The following NLRP14 variants were observed in gnomAD, a reference collection of about 807,000 sequenced individuals.
NLRP14 encodes NACHT, LRR and PYD domains-containing protein 14.
Under a neutral mutation model 94.7 loss-of-function variants are expected in NLRP14, and 105 were observed. The ratio of observed to expected loss-of-function variants is 1.11; its 90% CI spans 0.95 to 1.30. The LOEUF (loss-of-function observed/expected upper bound fraction) is 1.30. NLRP14 is among the 50% of genes most tolerant of loss of function. The probability of loss-of-function intolerance (pLI) is 0.00; values close to 1 mark genes in which losing one functional copy is unlikely to be tolerated. For synonymous variants in NLRP14, 508 were observed against 459.9 expected, an observed-to-expected ratio of 1.10 and a Z score of -1.34; for missense variants, 1,362 against 1,254.1, an observed-to-expected ratio of 1.09 and a Z score of -1.30.
At chr11:7,037,692 T>G (rs934970315) in intron 1 of NLRP14, among the ~76,000 whole-genome samples, 6 of 152,222 alleles carry the variant, frequency 3.9e-5, no homozygotes, top group Non-Finnish European at 7.3e-5. Context: ...TTGATGATGT[T>G]TGAAGAACTG....
At chr11:7,039,607 A>G (rs1318817947) in intron 2 of NLRP14, 107 bp from the exon 3 acceptor site, 1 of 889,148 alleles carries the variant, frequency 1.1e-6, no homozygotes, top group African/African-American at 1.6e-5. Flanking sequence ...AAACCCAGAT[A>G]GTCATAGAAT....
chr11:7,089,879 C>T, the NLRP14 span: 9 of 1,612,796 alleles, frequency 5.6e-6, no homozygotes, highest in Middle Eastern at 3.3e-4. Flanking sequence ...ACGACTGTCC[C>T]TTGAGAGGCT....
intron 10 of NLRP14, among the ~76,000 whole-genome samples, chr11:7,066,552 G>C (rs1243921516): frequency 1.3e-5 from 2 of 151,990 alleles, no homozygotes; most frequent in Non-Finnish European, 2.9e-5. Flanking sequence ...TTTTTGATGG[G>C]GTTGTTTTTT....
At chr11:7,062,226 A>G (rs1435404441) in intron 9 of NLRP14, 107 bp from the exon 10 acceptor site, 4 of 922,304 alleles carry the variant, frequency 4.3e-6, no homozygotes, top group Non-Finnish European at 7.1e-6. Flanking sequence ...GATTGTAGAT[A>G]GAAAAGAGTG....
chr11:7,038,497 T>C, intron 1 of NLRP14, 69 bp from the exon 2 acceptor site: 2 of 1,304,622 alleles, frequency 1.5e-6, no homozygotes, highest in Non-Finnish European at 2.2e-6. Context: ...GTATTTCATT[T>C]TCAAATCTGT....
chr11:7,066,254 T>C (rs1379213403), intron 10 of NLRP14, among the ~76,000 whole-genome samples: 1 of 152,252 alleles, frequency 6.6e-6, no homozygotes, highest in Non-Finnish European at 1.5e-5. Context: ...AAATGTTATT[T>C]CTGATTCTAG....
In NLRP14 at chr11:7,057,727, C is replaced by T. The variant is rs1378438123; in HGVS notation, c.2342C>T (p.Ala781Val). 1 of 1,611,906 alleles carries T rather than the reference C, an allele frequency of 6.2e-7. No homozygotes were observed. Residue 781 changes from alanine to valine, a missense_variant, in exon 7 of 12, where the codon GCT (alanine) becomes GTT (valine). Physicochemically the swap from Ala to Val is moderately conservative, Grantham distance 64 (BLOSUM62 0). Coordinates refer to ENST00000299481, the MANE Select transcript of NLRP14 (RefSeq NM_176822.4). ...TTTTGTTGTCTAAATATATCTAATG[C>T]TCTCATCAGAAGCCAGAGCCTGATA... ...TVFCCLNISN[A>V]LIRSQSLIFL...
chr11:7,084,491 T>G, the NLRP14 span, among the ~76,000 whole-genome samples: 1 of 152,100 alleles, frequency 6.6e-6, no homozygotes, highest in Non-Finnish European at 1.5e-5. Flanking sequence ...GGAGGGGAAA[T>G]GGACTAGAGA....
the NLRP14 span, among the ~76,000 whole-genome samples, chr11:7,078,640 G>C: frequency 6.6e-6 from 1 of 151,190 alleles, no homozygotes; most frequent in East Asian, 2.0e-4. Flanking sequence ...AAATACAAAA[G>C]AGCCGGGCAT....
At chr11:7,089,012 G>T in the NLRP14 span, 4 of 1,327,150 alleles carry the variant, frequency 3.0e-6, no homozygotes, top group African/African-American at 1.5e-5. Flanking sequence ...TCGGCGACTA[G>T]GCGCCGCCTG....
chr11:7,055,792 G>T (rs1411751272), intron 6 of NLRP14, among the ~76,000 whole-genome samples: 1 of 152,102 alleles, frequency 6.6e-6, no homozygotes, highest in East Asian at 1.9e-4. Flanking sequence ...CAGCTGGTCA[G>T]TGCTACAGAT....
At chr11:7,082,083 A>G in the NLRP14 span, among the ~76,000 whole-genome samples, 1 of 152,140 alleles carries the variant, frequency 6.6e-6, no homozygotes, top group Admixed American at 6.5e-5. Context: ...GTCTCCAAGG[A>G]TTTTAGAAGG....
At chr11:7,056,942 G>A (rs1293525052) in intron 6 of NLRP14, among the ~76,000 whole-genome samples, 5 of 151,896 alleles carry the variant, frequency 3.3e-5, no homozygotes, top group Admixed American at 2.0e-4. Flanking sequence ...TTCCTCTATA[G>A]ACCCTGATTT....
intron 6 of NLRP14, among the ~76,000 whole-genome samples, chr11:7,052,420 G>A (rs896882215): frequency 1.3e-5 from 2 of 152,144 alleles, no homozygotes; most frequent in African/African-American, 4.8e-5. Flanking sequence ...ATCACTTGAG[G>A]CCAGTAATTT....
intron 6 of NLRP14, among the ~76,000 whole-genome samples, chr11:7,056,697 G>C (rs1326675564): frequency 6.6e-6 from 1 of 151,814 alleles, no homozygotes; most frequent in Non-Finnish European, 1.5e-5. Context: ...TTGCTTCCAA[G>C]ATTTGGAAGC....
At chr11:7,027,279 A>C (rs1852029738) in intron 1 of NLRP14, among the ~76,000 whole-genome samples, 1 of 151,704 alleles carries the variant, frequency 6.6e-6, no homozygotes, top group African/African-American at 2.4e-5. Flanking sequence ...AAATACCATA[A>C]ACTAGATGGT....
the NLRP14 span, among the ~76,000 whole-genome samples, chr11:7,077,430 C>T: frequency 6.6e-6 from 1 of 152,224 alleles, no homozygotes; most frequent in Non-Finnish European, 1.5e-5. Flanking sequence ...CTCCTAAAGA[C>T]AGAAATGGAT....
Position 7,060,075 on chromosome 11 carries a change from T to C in NLRP14, c.2804+11T>C. 1 of 1,610,978 alleles carries C rather than the reference T, an allele frequency of 6.2e-7. No individual in the cohort carries two copies. The highest frequency in any genetic ancestry group is 8.5e-7 in the Non-Finnish European group (1 of 1,177,412). ...TCTTCAGGACTTGGAGTAGGTTTTC[T>C]GTTGCTTTACTTTTGTGTAGTTTCA... On this transcript the variant is annotated intron_variant, in intron 9 of 11. Transcript: ENST00000299481.
chr11:7,063,128 T>C (rs1293372759), intron 10 of NLRP14, among the ~76,000 whole-genome samples: 2 of 152,124 alleles, frequency 1.3e-5, no homozygotes, highest in Admixed American at 6.6e-5. Flanking sequence ...GAAGCTGTTA[T>C]ATTTCCATTG....
Sources: gnomAD v4.1 joint callset for allele counts (sites outside exome capture counted in the v4.1 genomes callset) on GRCh38, gnomAD v4.1.1 for gene constraint, MANE v1.5 for transcripts, NCBI Gene and HGNC (gene_info 2026-07-23, HGNC 2026-07-21) for gene names.